Variants in C1GALT1 observed in about 807,000 individuals in gnomAD.
C1GALT1 encodes the protein glycoprotein-N-acetylgalactosamine 3-beta-galactosyltransferase 1.
Under a neutral mutation model 31.0 loss-of-function variants are expected in C1GALT1, and 11 were observed. The observed-to-expected ratio is 0.36, with a 90% confidence interval of 0.22 to 0.59. C1GALT1 has a LOEUF of 0.59. C1GALT1 is among the 20% of genes least tolerant of loss of function. The pLI is 0.79. For synonymous variants in C1GALT1, 175 were observed against 143.6 expected (o/e 1.22, Z -1.56); for missense variants, 424 against 425.2 (o/e 1.00, Z 0.03).
rs189918095 is a variant in C1GALT1 at position 7,247,059 on chromosome 7, C to T, written c.*3332C>T. 1.8e-4 allele frequency: 28 copies of T among 152,120 alleles called. 1 individual carries two copies. The highest frequency in any genetic ancestry group is 6.3e-4 in the African/African-American group (26 of 41,484). The allele number at this position is 152,120 out of a possible 1,614,324, so 9.4% of individuals were successfully genotyped here. ...AAGTACATAATTTATTAAAAACATA[C>T]ATAAGTGTCATCAAAAAGGTCCACA... is the stretch of plus-strand genomic sequence containing the variant. On this transcript the variant is annotated 3_prime_UTR_variant, in exon 4 of 4. Coordinates refer to ENST00000436587, the MANE Select transcript of C1GALT1 (RefSeq NM_020156.5).
chr7:7,227,558 A>AAAAC (rs1412743369), intron 1 of C1GALT1, among the ~76,000 whole-genome samples: 2 of 152,070 alleles, frequency 1.3e-5, no homozygotes, highest in East Asian at 3.9e-4. Context: ...GTCTCTACTA[A>AAAAC]AAACACAAAA....
rs150555228 is a variant in C1GALT1 at position 7,239,715 on chromosome 7, A to G, written c.888+793A>G. ...TAGGAAGTATTCCAGTAGTACAAAT[A>G]TTTCAGAATATACATTGTACTTATC... On this transcript the variant is annotated intron_variant, in intron 3 of 3. Transcript: ENST00000436587. Among the ~76,000 whole-genome samples, 606 of 151,720 alleles carry G rather than the reference A, an allele frequency of 4.0e-3. 2 individuals carry two copies. Among genetic ancestry groups the G allele is most frequent in the African/African-American group, 0.014 (571 of 41,564 alleles).
intron 1 of C1GALT1, among the ~76,000 whole-genome samples, chr7:7,214,004 G>C (rs1433030442): frequency 3.3e-5 from 5 of 152,162 alleles, no homozygotes; most frequent in Admixed American, 6.5e-5. Context: ...CTCCCAGTGG[G>C]GGGTAGGGAT....
chr7:7,178,600 C>T (rs1258804562), upstream of C1GALT1, among the ~76,000 whole-genome samples: 1 of 152,162 alleles, frequency 6.6e-6, no homozygotes, highest in East Asian at 1.9e-4. Flanking sequence ...AAGTTTAGCT[C>T]TCAGTAAGAT....
At chr7:7,163,911 A>G (rs3929096) in intron 2 of C1GALT1, among the ~76,000 whole-genome samples, 17,368 of 151,674 alleles carry the variant, frequency 0.11, 1,086 homozygotes, top group East Asian at 0.16. Flanking sequence ...TTATAGATTC[A>G]ATGCCATCCC....
chr7:7,168,898 A>G (rs536949121), intron 2 of C1GALT1, among the ~76,000 whole-genome samples: 2 of 152,220 alleles, frequency 1.3e-5, no homozygotes, highest in Non-Finnish European at 2.9e-5. Flanking sequence ...ATGACATTTT[A>G]ACCATTTTAA....
At chr7:7,231,200 T>C (rs1783057996) in intron 1 of C1GALT1, among the ~76,000 whole-genome samples, 1 of 152,208 alleles carries the variant, frequency 6.6e-6, no homozygotes, top group African/African-American at 2.4e-5. Flanking sequence ...GATTCTGTTG[T>C]TGCTGCTAAA....
At chr7:7,208,503 T>G (rs116023278) in intron 1 of C1GALT1, among the ~76,000 whole-genome samples, 1 of 152,172 alleles carries the variant, frequency 6.6e-6, no homozygotes, top group Non-Finnish European at 1.5e-5. Context: ...ATATGCAGTT[T>G]CTTTTGAATG....
chr7:7,195,330 G>A (rs953048697), intron 1 of C1GALT1, among the ~76,000 whole-genome samples: 1 of 152,138 alleles, frequency 6.6e-6, no homozygotes, highest in African/African-American at 2.4e-5. Flanking sequence ...TTTGCGTTTA[G>A]CACCACTTTT....
chr7:7,202,421 C>G (rs565232319), intron 1 of C1GALT1, among the ~76,000 whole-genome samples: 1 of 152,254 alleles, frequency 6.6e-6, no homozygotes, highest in East Asian at 1.9e-4. Flanking sequence ...ATGTAAAAGT[C>G]CAACTTCATT....
intron 1 of C1GALT1, among the ~76,000 whole-genome samples, chr7:7,204,262 T>C (rs753804394): frequency 4.6e-5 from 7 of 152,018 alleles, no homozygotes; most frequent in East Asian, 1.9e-4. Flanking sequence ...CATACTGATA[T>C]AGGATTTTCA....
At chr7:7,169,591 A>T (rs181324382) in intron 2 of C1GALT1, among the ~76,000 whole-genome samples, 370 of 151,860 alleles carry the variant, frequency 2.4e-3, no homozygotes, top group Non-Finnish European at 4.3e-3. Flanking sequence ...GTGAAATGGT[A>T]CATCATTGTT....
At chr7:7,243,393 T>A (rs1482413531) in intron 3 of C1GALT1, 131 bp from the exon 4 acceptor site, 3 of 701,976 alleles carry the variant, frequency 4.3e-6, no homozygotes, top group Non-Finnish European at 7.0e-6. Flanking sequence ...GTACATTAGG[T>A]TCCTCTGCTT....
intron 1 of C1GALT1, among the ~76,000 whole-genome samples, chr7:7,202,034 C>G (rs1319622817): frequency 6.6e-6 from 1 of 152,208 alleles, no homozygotes; most frequent in Non-Finnish European, 1.5e-5. Context: ...CTGCTTCTTC[C>G]TTTATCCCTA....
upstream of C1GALT1, chr7:7,177,878 C>T (rs1351171017): frequency 6.4e-6 from 1 of 156,836 alleles, no homozygotes; most frequent in Non-Finnish European, 1.4e-5. Context: ...TTTTGGGGTA[C>T]ATTGGGATAA....
At chr7:7,162,777 G>A (rs1406746395) in intron 2 of C1GALT1, among the ~76,000 whole-genome samples, 1 of 152,146 alleles carries the variant, frequency 6.6e-6, no homozygotes, top group African/African-American at 2.4e-5. Context: ...TCCGGAACCT[G>A]TTGTTTCCTG....
intron 1 of C1GALT1, among the ~76,000 whole-genome samples, chr7:7,193,174 CT>C (rs773867996): frequency 5.5e-4 from 84 of 152,050 alleles, no homozygotes; most frequent in South Asian, 1.0e-3. Flanking sequence ...ATCTATTTGT[CT>C]TTGTTTTTGT....
At chr7:7,227,083 G>C (rs1015033129) in intron 1 of C1GALT1, among the ~76,000 whole-genome samples, 1 of 152,010 alleles carries the variant, frequency 6.6e-6, no homozygotes, top group African/African-American at 2.4e-5. Flanking sequence ...ATTTTTAGAG[G>C]GATCCTTTAG....
intron 3 of C1GALT1, among the ~76,000 whole-genome samples, chr7:7,241,142 G>C (rs1177557549): frequency 2.6e-5 from 4 of 151,850 alleles, no homozygotes; most frequent in Non-Finnish European, 5.9e-5. Flanking sequence ...TTTTCTGTAG[G>C]TCAGAAATGG....
Sources: allele counts gnomAD v4.1 joint callset (sites outside exome capture counted in the v4.1 genomes callset), GRCh38; gene constraint gnomAD v4.1.1; transcripts MANE v1.5; gene names NCBI Gene and HGNC (gene_info 2026-07-23, HGNC 2026-07-21).